The following WDR72 variants were observed in gnomAD, a reference collection of about 807,000 sequenced individuals.
WDR72 encodes WD repeat domain 72.
In WDR72, 120 loss-of-function variants were observed where a neutral mutation model predicts 124.2. The observed-to-expected ratio is 0.97, with a 90% confidence interval of 0.83 to 1.12. WDR72 has a LOEUF of 1.12. WDR72 is among the 50% of genes most tolerant of loss of function. The pLI is 0.00. For synonymous variants in WDR72, 452 were observed against 441.7 expected (o/e 1.02, Z -0.29); for missense variants, 1,387 against 1,278.8 (o/e 1.08, Z -1.29).
At chr15:53,593,761 C>G (rs544826252) in intron 18 of WDR72, among the ~76,000 whole-genome samples, 3 of 143,074 alleles carry the variant, frequency 2.1e-5, no homozygotes, top group Middle Eastern at 7.3e-3. Context: ...GGCACTGTGT[C>G]AAAAAGAAAA....
chr15:53,729,246 T>G (rs907615567), intron 2 of WDR72, among the ~76,000 whole-genome samples: 9 of 152,112 alleles, frequency 5.9e-5, no homozygotes, highest in Non-Finnish European at 1.2e-4. Context: ...CTGCCATTCA[T>G]TTGGTTTATC....
intron 8 of WDR72, 34 bp downstream of exon 8, chr15:53,711,302 G>C: frequency 6.2e-7 from 1 of 1,613,912 alleles, no homozygotes; most frequent in African/African-American, 1.3e-5. Context: ...TTTTCTACCT[G>C]AATGTTTTGT....
At chr15:53,663,691 T>C (rs777598655) in intron 14 of WDR72, among the ~76,000 whole-genome samples, 2 of 152,076 alleles carry the variant, frequency 1.3e-5, no homozygotes, top group Admixed American at 1.3e-4. Context: ...TACTCTGACA[T>C]ATAATTTCCA....
At chr15:53,712,275 T>A (rs1461634265) in intron 7 of WDR72, among the ~76,000 whole-genome samples, 1 of 152,142 alleles carries the variant, frequency 6.6e-6, no homozygotes, top group Non-Finnish European at 1.5e-5. Flanking sequence ...TAGTAGTATA[T>A]CCTAATTTTA....
At chr15:53,544,710 G>A (rs1893353207) in intron 18 of WDR72, among the ~76,000 whole-genome samples, 1 of 145,790 alleles carries the variant, frequency 6.9e-6, no homozygotes, top group Non-Finnish European at 1.5e-5. Context: ...TAGGAAAAGA[G>A]GAAGTCAAAT....
upstream of WDR72, chr15:53,759,684 G>C (rs936937393): frequency 9.3e-5 from 14 of 150,904 alleles, no homozygotes; most frequent in African/African-American, 3.2e-4. Flanking sequence ...GGCGGGTCTC[G>C]CCCTTAGGGT....
At chr15:53,746,321 A>G (rs922553925) in intron 1 of WDR72, among the ~76,000 whole-genome samples, 2 of 152,152 alleles carry the variant, frequency 1.3e-5, no homozygotes, top group Non-Finnish European at 2.9e-5. Context: ...TGTCATAAAT[A>G]GCTGTCTTCA....
chr15:53,668,974 G>GGAGA (rs2015885136), intron 13 of WDR72, among the ~76,000 whole-genome samples: 1 of 112,864 alleles, frequency 8.9e-6, no homozygotes, highest in Non-Finnish European at 1.8e-5. Context: ...GGAGGAGGAG[G>GGAGA]AGGAGAAGGA....
intron 18 of WDR72, among the ~76,000 whole-genome samples, chr15:53,531,307 TG>T (rs1404473287): frequency 2.1e-4 from 16 of 76,848 alleles, no homozygotes. Flanking sequence ...CAATCAGTAG[TG>T]AGTATCACTT....
intron 18 of WDR72, among the ~76,000 whole-genome samples, chr15:53,580,631 G>A (rs564623635): frequency 6.6e-6 from 1 of 152,054 alleles, no homozygotes; most frequent in East Asian, 1.9e-4. Flanking sequence ...CTCATTCCAG[G>A]ATGACACAGT....
rs1167612126 is a variant in WDR72, at chr15:53,657,286, A to G, written c.1962+8286T>C. 1.3e-4 allele frequency among the ~76,000 whole-genome samples: 19 copies of G among 150,536 alleles called. 1 individual carries two copies. The highest frequency in any genetic ancestry group is 6.0e-4 in the Admixed American group (9 of 15,118). On this transcript the variant is annotated intron_variant, in intron 14 of 19. Coordinates refer to ENST00000360509, the MANE Select transcript of WDR72 (RefSeq NM_182758.4). ...CTCAAAAAAAAAAAAAAAAAAAAAA[A>G]AAAGAAAGAAGGAAAAAAGAAATAA... is the stretch of plus-strand genomic sequence containing the variant.
intron 14 of WDR72, among the ~76,000 whole-genome samples, chr15:53,655,592 A>G (rs1207492995): frequency 6.6e-6 from 1 of 152,234 alleles, no homozygotes; most frequent in Admixed American, 6.5e-5. Context: ...AGGAAAACAA[A>G]ACATCTGCTA....
upstream of WDR72, among the ~76,000 whole-genome samples, chr15:53,762,254 C>T (rs112886012): frequency 2.8e-3 from 423 of 152,238 alleles, 4 homozygotes; most frequent in Non-Finnish European, 3.4e-3. Flanking sequence ...GCAGTGTTTC[C>T]TACTAGAGCA....
chr15:53,655,511 C>T (rs540584871), intron 14 of WDR72, among the ~76,000 whole-genome samples: 1 of 152,142 alleles, frequency 6.6e-6, no homozygotes, highest in Non-Finnish European at 1.5e-5. Context: ...CCATATTTTG[C>T]CATCTGATTA....
At chr15:53,707,370 C>T (rs944250376) in intron 9 of WDR72, among the ~76,000 whole-genome samples, 3 of 152,058 alleles carry the variant, frequency 2.0e-5, no homozygotes, top group African/African-American at 7.2e-5. Context: ...GTCATCCAAC[C>T]AAGACGTATA....
intron 18 of WDR72, among the ~76,000 whole-genome samples, chr15:53,529,861 G>T (rs1215122148): frequency 1.3e-5 from 2 of 151,920 alleles, no homozygotes; most frequent in Non-Finnish European, 2.9e-5. Flanking sequence ...AAGGATATAG[G>T]ATGGAAGGAG....
chr15:53,669,020 GA>G (rs2015895278), intron 13 of WDR72, among the ~76,000 whole-genome samples: 7 of 122,542 alleles, frequency 5.7e-5, no homozygotes, highest in Admixed American at 9.0e-5. Flanking sequence ...AAGGAGAAAA[GA>G]AGAAGGGAGG....
chr15:53,712,628 G>T, intron 7 of WDR72, 144 bp downstream of exon 7: 1 of 873,118 alleles, frequency 1.1e-6, no homozygotes, highest in Non-Finnish European at 1.7e-6. Flanking sequence ...TGTTACGTCA[G>T]TCATAAAAGA....
At chr15:53,694,838 T>C (rs1453943891) in intron 13 of WDR72, among the ~76,000 whole-genome samples, 5 of 152,326 alleles carry the variant, frequency 3.3e-5, no homozygotes, top group Admixed American at 2.6e-4. Flanking sequence ...TGAGTTATTA[T>C]GAAATCAATG....
Sources: allele counts gnomAD v4.1 joint callset (sites outside exome capture counted in the v4.1 genomes callset), GRCh38; gene constraint gnomAD v4.1.1; transcripts MANE v1.5; gene names NCBI Gene and HGNC (gene_info 2026-07-23, HGNC 2026-07-21).